Variants in OSBPL8 observed in about 807,000 individuals in gnomAD.
OSBPL8 encodes oxysterol binding protein like 8, also known as oxysterol-binding protein-related protein 8.
OSBPL8 carries 59 observed loss-of-function variants against 125.5 expected under a neutral mutation model. That is an observed-to-expected ratio of 0.47 (90% CI 0.38 to 0.58). OSBPL8 has a LOEUF of 0.58. Ranked by LOEUF, OSBPL8 falls within the 20% of genes least tolerant of loss-of-function variation. The pLI is 0.00. For missense variants in OSBPL8, 758 were observed against 1,047.8 expected (o/e 0.72, Z 3.82); for synonymous variants, 330 against 338.9 (o/e 0.97, Z 0.29).
chr12:76,476,330 G>A (rs985505083), intron 2 of OSBPL8, among the ~76,000 whole-genome samples: 5 of 152,086 alleles, frequency 3.3e-5, no homozygotes, highest in African/African-American at 1.2e-4. Context: ...TGCTGTGAAA[G>A]ACAACAAACT....
chr12:76,505,164 G>A (rs931599671), intron 1 of OSBPL8, among the ~76,000 whole-genome samples: 6 of 152,122 alleles, frequency 3.9e-5, no homozygotes, highest in South Asian at 2.1e-4. Context: ...CAATTTCCCT[G>A]TGTTGATAAA....
At chr12:76,412,652 T>C (rs1363006619) in intron 4 of OSBPL8, among the ~76,000 whole-genome samples, 1 of 152,124 alleles carries the variant, frequency 6.6e-6, no homozygotes, top group Non-Finnish European at 1.5e-5. Context: ...AGAACCCGAG[T>C]GTGACACACT....
intron 2 of OSBPL8, among the ~76,000 whole-genome samples, chr12:76,478,536 A>G (rs533721895): frequency 2.0e-4 from 30 of 152,104 alleles, no homozygotes; most frequent in African/African-American, 4.3e-4. Flanking sequence ...GCTTTCTCCA[A>G]TGAGGCTCCC....
chr12:76,436,128 C>CCA (rs774953134), intron 4 of OSBPL8, among the ~76,000 whole-genome samples: 1 of 152,088 alleles, frequency 6.6e-6, no homozygotes, highest in Non-Finnish European at 1.5e-5. Flanking sequence ...ACTGGTGTCT[C>CCA]CACTCCCTTT....
At chr12:76,541,937 C>CA (rs1950656508) in intron 1 of OSBPL8, among the ~76,000 whole-genome samples, 2 of 152,112 alleles carry the variant, frequency 1.3e-5, no homozygotes, top group South Asian at 4.1e-4. Context: ...TTTGGGAGGC[C>CA]AAGGCGGGAG....
intron 2 of OSBPL8, among the ~76,000 whole-genome samples, chr12:76,461,421 G>T (rs527781434): frequency 1.3e-5 from 2 of 152,168 alleles, no homozygotes; most frequent in African/African-American, 4.8e-5. Context: ...CTTGGAAGCA[G>T]ATCTCCCACT....
At chr12:76,539,853 G>A (rs1328579882) in intron 1 of OSBPL8, among the ~76,000 whole-genome samples, 1 of 152,136 alleles carries the variant, frequency 6.6e-6, no homozygotes, top group Non-Finnish European at 1.5e-5. Context: ...CTTCCCATGA[G>A]CAGTCAACGG....
At position 76,538,152 on chromosome 12, in the gene OSBPL8, G is replaced by T. The variant is rs1019005212; in HGVS notation, c.-68+21245C>A. Among the ~76,000 whole-genome samples the T allele has an allele frequency of 1.7e-4, 26 of 152,080 alleles. 1 individual carries two copies. The highest frequency in any genetic ancestry group is 1.7e-3 in the Admixed American group (26 of 15,272). On this transcript the variant is annotated intron_variant, in intron 1 of 23. Transcript: ENST00000261183. ...CAGAGTAGAGAATGTAGAGGTTAAA[G>T]AATAACCTTAACGACTTTTGCTTTT...
chr12:76,446,246 G>A (rs1872709891), intron 4 of OSBPL8, among the ~76,000 whole-genome samples: 1 of 152,116 alleles, frequency 6.6e-6, no homozygotes, highest in South Asian at 2.1e-4. Context: ...CTTGAGATAA[G>A]GCAGATACAT....
chr12:76,361,084 C>T (rs1447799681), intron 21 of OSBPL8, among the ~76,000 whole-genome samples: 1 of 152,186 alleles, frequency 6.6e-6, no homozygotes, highest in Non-Finnish European at 1.5e-5. Flanking sequence ...TTCTTTTCTA[C>T]TGCATCGTCA....
At chr12:76,523,126 C>T (rs1950070096) in intron 1 of OSBPL8, among the ~76,000 whole-genome samples, 1 of 152,182 alleles carries the variant, frequency 6.6e-6, no homozygotes, top group Admixed American at 6.5e-5. Flanking sequence ...GCATGAGCCA[C>T]CATGCCCAGC....
chr12:76,452,382 C>T (rs1202744748), intron 3 of OSBPL8, among the ~76,000 whole-genome samples: 1 of 152,112 alleles, frequency 6.6e-6, no homozygotes, highest in Non-Finnish European at 1.5e-5. Context: ...CTCCCAACTT[C>T]CTATCTCCCC....
intron 23 of OSBPL8, 133 bp downstream of exon 23, chr12:76,356,493 T>C (rs1951992837): frequency 1.1e-5 from 6 of 571,242 alleles, no homozygotes; most frequent in East Asian, 3.2e-5. Flanking sequence ...CATCAGGTGA[T>C]AGAGGCTAAA....
At chr12:76,369,951 T>G in intron 19 of OSBPL8, 129 bp from the exon 20 acceptor site, 1 of 846,672 alleles carries the variant, frequency 1.2e-6, no homozygotes, top group South Asian at 2.0e-5. Context: ...ACAACACTTA[T>G]GCTCATAGGC....
chr12:76,442,695 A>G (rs1160888644), intron 4 of OSBPL8, among the ~76,000 whole-genome samples: 1 of 152,198 alleles, frequency 6.6e-6, no homozygotes, highest in African/African-American at 2.4e-5. Flanking sequence ...CACATTTGTT[A>G]TATGTGTACA....
At chr12:76,389,529 G>T in intron 12 of OSBPL8, 116 bp downstream of exon 12, 1 of 782,704 alleles carries the variant, frequency 1.3e-6, no homozygotes, top group Non-Finnish European at 2.0e-6. Flanking sequence ...AGAGAACAGA[G>T]AGTGATGTCT....
chr12:76,505,504 T>C (rs1442970577), intron 1 of OSBPL8, among the ~76,000 whole-genome samples: 1 of 152,154 alleles, frequency 6.6e-6, no homozygotes, highest in Non-Finnish European at 1.5e-5. Context: ...AATTAAAATA[T>C]ATTGTGTATT....
intron 1 of OSBPL8, among the ~76,000 whole-genome samples, chr12:76,507,899 G>A (rs986561451): frequency 1.3e-5 from 2 of 151,176 alleles, no homozygotes; most frequent in African/African-American, 4.9e-5. Flanking sequence ...GGCTGGGCGC[G>A]GTGGCTCATG....
At chr12:76,444,970 T>C (rs181628083) in intron 4 of OSBPL8, among the ~76,000 whole-genome samples, 6 of 152,350 alleles carry the variant, frequency 3.9e-5, no homozygotes, top group Admixed American at 6.5e-5. Flanking sequence ...TAAAATTTTA[T>C]ATTTCTCTTT....
Sources: gnomAD v4.1 joint callset for allele counts (sites outside exome capture counted in the v4.1 genomes callset) on GRCh38, gnomAD v4.1.1 for gene constraint, MANE v1.5 for transcripts, NCBI Gene and HGNC (gene_info 2026-07-23, HGNC 2026-07-21) for gene names.